Variants in PUM1 observed in about 807,000 individuals in gnomAD.
The protein encoded by PUM1 is pumilio RNA binding family member 1, also known as pumilio homolog 1.
A neutral mutation model predicts 131.8 loss-of-function variants in PUM1; 13 were observed. The ratio of observed to expected loss-of-function variants is 0.10; its 90% confidence interval spans 0.06 to 0.16. The LOEUF (loss-of-function observed/expected upper bound fraction) is 0.16, where lower values mean the gene tolerates loss of function less well. Among genes scored for constraint, PUM1 ranks in the 10% least tolerant of loss-of-function variants. The probability of loss-of-function intolerance (pLI) is 1.00; values close to 1 mark genes in which losing one functional copy is unlikely to be tolerated. For missense variants in PUM1, 961 were observed against 1,512.4 expected (o/e 0.64, Z 6.05); for synonymous variants, 509 against 556.5 (o/e 0.91, Z 1.20).
rs1469179375 is a variant in PUM1, at chr1:30,945,448, C to T, written c.2892G>A (p.Leu964=). 3.7e-6 allele frequency: 6 copies of T among 1,614,182 alleles called. No homozygotes were observed. Among genetic ancestry groups the T allele is most frequent in the Non-Finnish European group, 5.1e-6 (6 of 1,180,020 alleles). Residue 964 remains leucine, a synonymous_variant, in exon 18 of 22, where the codon TTG becomes TTA. Coordinates refer to ENST00000426105, the MANE Select transcript of PUM1 (RefSeq NM_001020658.2). ...TGCCATTCTGATCTTTCACACACTT[C>T]AAGACATGGCCATCTAGTTCCCGAA... The part of the protein sequence containing the change: ...EMVRELDGHV[L]KCVKDQNGNH...
chr1:31,062,465 TA>T (rs923531140), intron 1 of PUM1, among the ~76,000 whole-genome samples: 3 of 151,638 alleles, frequency 2.0e-5, no homozygotes, highest in African/African-American at 7.3e-5. Flanking sequence ...ACTAAAAATA[TA>T]AAAAGTAGCC....
intron 7 of PUM1, among the ~76,000 whole-genome samples, chr1:30,987,114 A>G (rs2124478018): frequency 6.6e-6 from 1 of 152,340 alleles, no homozygotes; most frequent in Non-Finnish European, 1.5e-5. Context: ...AATAAAGATC[A>G]ACAATACAAT....
At chr1:30,954,713 C>T (rs1200212626) in intron 14 of PUM1, among the ~76,000 whole-genome samples, 1 of 152,030 alleles carries the variant, frequency 6.6e-6, no homozygotes, top group African/African-American at 2.4e-5. Context: ...TGATGGGTGA[C>T]AAGGGAATAA....
At chr1:30,984,945 A>G (rs1641493028) in intron 7 of PUM1, among the ~76,000 whole-genome samples, 1 of 152,120 alleles carries the variant, frequency 6.6e-6, no homozygotes, top group Non-Finnish European at 1.5e-5. Flanking sequence ...ACCGGCCACA[A>G]TAAAATGTAC....
At chr1:30,936,972 C>T (rs1639237129) in intron 20 of PUM1, 137 bp from the exon 21 acceptor site, 1 of 706,120 alleles carries the variant, frequency 1.4e-6, no homozygotes, top group Non-Finnish European at 2.3e-6. Context: ...GATGAGTCGC[C>T]AACTGTCTGA....
chr1:30,979,937 G>A (rs1321145905), intron 9 of PUM1, 125 bp downstream of exon 9: 5 of 648,846 alleles, frequency 7.7e-6, no homozygotes, highest in Non-Finnish European at 1.0e-5. Flanking sequence ...GCAGGTAGAT[G>A]GCATTGAAAA....
Position 30,941,180 on chromosome 1 carries a change from T to C in PUM1, c.3213A>G (p.Val1071=). The change falls in exon 20 of 22, where the codon GTA becomes GTG. Residue 1071 remains valine (V), a synonymous_variant. Coordinates refer to ENST00000426105, the MANE Select transcript of PUM1 (RefSeq NM_001020658.2). ...CAAATTTGTGCTGACTCAATACAAGTACATTGCCTCGGATTTCTGCTACAA... is the reference window on the plus strand; with the variant it reads ...CAAATTTGTGCTGACTCAATACAAGCACATTGCCTCGGATTTCTGCTACAA... ...SKIVAEIRGN[V]LVLSQHKFAS... The C allele has an allele frequency of 6.2e-7, 1 of 1,613,792 alleles. No homozygotes were observed.
At chr1:30,971,094 T>C (rs909762024) in intron 10 of PUM1, among the ~76,000 whole-genome samples, 1 of 152,236 alleles carries the variant, frequency 6.6e-6, no homozygotes, top group African/African-American at 2.4e-5. Context: ...AAATCCATGA[T>C]TTTATGGAAA....
intron 10 of PUM1, among the ~76,000 whole-genome samples, chr1:30,973,732 G>A (rs909065462): frequency 1.3e-5 from 2 of 151,910 alleles, no homozygotes; most frequent in Non-Finnish European, 2.9e-5. Flanking sequence ...TTGGTTTTCT[G>A]ACATAAGGAT....
At chr1:31,064,917 C>G (rs957522058) in intron 1 of PUM1, among the ~76,000 whole-genome samples, 1 of 151,972 alleles carries the variant, frequency 6.6e-6, no homozygotes, top group Non-Finnish European at 1.5e-5. Context: ...GATTTTCCTA[C>G]TAGCAAGGGG....
intron 14 of PUM1, among the ~76,000 whole-genome samples, chr1:30,961,213 A>G (rs1186603792): frequency 6.6e-6 from 1 of 151,758 alleles, no homozygotes; most frequent in African/African-American, 2.4e-5. Flanking sequence ...ATAAAATAAA[A>G]TAAAGAAAAA....
At chr1:31,064,445 T>C (rs1214211868) in intron 1 of PUM1, among the ~76,000 whole-genome samples, 1 of 152,108 alleles carries the variant, frequency 6.6e-6, no homozygotes, top group Non-Finnish European at 1.5e-5. Flanking sequence ...AAATGTTTAT[T>C]TTGCTTACGA....
At chr1:31,038,599 C>A (rs182612831) in intron 2 of PUM1, among the ~76,000 whole-genome samples, 9 of 152,216 alleles carry the variant, frequency 5.9e-5, no homozygotes, top group Admixed American at 4.6e-4. Flanking sequence ...TGAGAAACTG[C>A]CCTTAGTCAT....
At position 30,975,347 on chromosome 1, in the gene PUM1, GT is replaced by G. The variant is rs570387016; in HGVS notation, c.1355-546del. On this transcript the variant is annotated intron_variant, in intron 9 of 21. Transcript: ENST00000426105. Reference sequence around the variant, plus strand: ...AACTTCAAAGTTGCTGTTACTGTTTGTTTTTTTTGTTTTTTTGTTTTTTGAG... The same window carrying G: ...AACTTCAAAGTTGCTGTTACTGTTTGTTTTTTTGTTTTTTTGTTTTTTGAG... Among the ~76,000 whole-genome samples the G allele has an allele frequency of 1.1e-3, 138 of 121,812 alleles. 1 individual carries two copies. Among genetic ancestry groups the G allele is most frequent in the East Asian group, 2.2e-3 (10 of 4,450 alleles). The allele number at this position is 121,812 out of a possible 152,430, so 79.9% of individuals were successfully genotyped here.
At chr1:31,036,188 G>A (rs1643606091) in intron 2 of PUM1, among the ~76,000 whole-genome samples, 1 of 151,904 alleles carries the variant, frequency 6.6e-6, no homozygotes, top group African/African-American at 2.4e-5. Context: ...TCCTACCTCA[G>A]CCTCCCGAGT....
intron 14 of PUM1, among the ~76,000 whole-genome samples, chr1:30,962,705 C>A (rs769617448): frequency 2.0e-5 from 3 of 152,172 alleles, no homozygotes; most frequent in Non-Finnish European, 4.4e-5. Flanking sequence ...AGCCATCATG[C>A]CTGGCCCATC....
Position 31,006,011 on chromosome 1 carries a change from T to C in PUM1, c.562A>G (p.Ile188Val), listed in dbSNP as rs769733496. ...GTSDHSVSQP[I>V]MVQRRPGQSF... Reference sequence around the variant, plus strand: ...TGACCAGGTCTTCTCTGCACCATGATTGGCTGGGAAACTGAATGATCTACA... The same window carrying C: ...TGACCAGGTCTTCTCTGCACCATGACTGGCTGGGAAACTGAATGATCTACA... The change falls in exon 5 of 22, where the codon ATC (isoleucine) becomes GTC (valine). Residue 188 changes from isoleucine (I) to valine (V), a missense_variant. Transcript: ENST00000426105. 3 of 1,604,566 alleles carry C rather than the reference T, an allele frequency of 1.9e-6. No individual in the cohort carries two copies. Among genetic ancestry groups the C allele is most frequent in the Non-Finnish European group, 2.5e-6 (3 of 1,176,812 alleles).
chr1:30,963,538 C>T (rs928001743), intron 14 of PUM1, among the ~76,000 whole-genome samples: 1 of 152,290 alleles, frequency 6.6e-6, no homozygotes, highest in Admixed American at 6.5e-5. Context: ...AAACTCAAAG[C>T]TATCACTCCT....
Position 30,945,370 on chromosome 1 carries a change from A to G in PUM1, c.2970T>C (p.Phe990=). ...IECVQPQSLQ[F]IIDAFKGQVF... is the part of the protein sequence containing the mutation. ...CCTGTCCCTTAAACGCATCGATGAT[A>G]AATTGCAAAGACTGGGGCTGTACAC... Residue 990 remains phenylalanine, a synonymous_variant, in exon 18 of 22, where the codon TTT becomes TTC. Coordinates refer to ENST00000426105, the MANE Select transcript of PUM1 (RefSeq NM_001020658.2). 1 of 1,614,180 alleles carries G rather than the reference A, an allele frequency of 6.2e-7. No homozygotes were observed. Among genetic ancestry groups the G allele is most frequent in the Non-Finnish European group, 8.5e-7 (1 of 1,180,022 alleles).
Sources: gnomAD v4.1 joint callset for allele counts (sites outside exome capture counted in the v4.1 genomes callset) on GRCh38, gnomAD v4.1.1 for gene constraint, MANE v1.5 for transcripts, NCBI Gene and HGNC (gene_info 2026-07-23, HGNC 2026-07-21) for gene names.